PLB1: variants seen among roughly 807,000 people sequenced by gnomAD.
The protein encoded by PLB1 is phospholipase B1, membrane-associated.
In PLB1, 242 loss-of-function variants were observed where a neutral mutation model predicts 227.4. The ratio of observed to expected loss-of-function variants is 1.06; its 90% confidence interval spans 0.96 to 1.18. PLB1 has a LOEUF of 1.18. Ranked by LOEUF, PLB1 falls within the 50% of genes most tolerant of loss-of-function variation. PLB1 has a pLI of 0.00. For synonymous variants in PLB1, 757 were observed against 682.2 expected (o/e 1.11, Z -1.71); for missense variants, 1,858 against 1,816.3 (o/e 1.02, Z -0.42).
chr2:28,606,099 A>G, intron 42 of PLB1, 151 bp downstream of exon 42: 1 of 662,516 alleles, frequency 1.5e-6, no homozygotes, highest in South Asian at 1.9e-5. Context: ...GGAGTCCTTA[A>G]GAGTCTGCTC....
chr2:28,618,109 A>G (rs1686452177), intron 45 of PLB1, among the ~76,000 whole-genome samples: 1 of 151,996 alleles, frequency 6.6e-6, no homozygotes, highest in African/African-American at 2.4e-5. Context: ...TTCCTGGACC[A>G]CCCCAATGTC....
At chr2:28,549,489 C>T (rs1179392743) in intron 15 of PLB1, among the ~76,000 whole-genome samples, 2 of 122,522 alleles carry the variant, frequency 1.6e-5, no homozygotes, top group African/African-American at 6.3e-5. Flanking sequence ...AATCTTGGCT[C>T]ACTGCAACCT....
chr2:28,543,605 T>C (rs1300938348), intron 14 of PLB1, among the ~76,000 whole-genome samples: 1 of 152,212 alleles, frequency 6.6e-6, no homozygotes, highest in Non-Finnish European at 1.5e-5. Flanking sequence ...TCACCATTCC[T>C]GTCCAGCCTG....
intron 1 of PLB1, among the ~76,000 whole-genome samples, chr2:28,511,494 G>A (rs1249430577): frequency 2.6e-5 from 4 of 152,176 alleles, no homozygotes; most frequent in South Asian, 2.1e-4. Flanking sequence ...CATCACCAAC[G>A]TCCCAACTGG....
intron 20 of PLB1, 72 bp from the exon 21 acceptor site, chr2:28,573,125 T>A: frequency 1.7e-6 from 2 of 1,208,686 alleles, no homozygotes; most frequent in Middle Eastern, 2.4e-4. Context: ...TAACACCCAC[T>A]GGTGCTTATC....
In PLB1 at chr2:28,605,893, T is replaced by C. The variant is rs147962775; in HGVS notation, c.3002T>C (p.Ile1001Thr). 40 of 1,613,918 alleles carry C rather than the reference T, an allele frequency of 2.5e-5. No homozygotes were observed. The highest frequency in any genetic ancestry group is 3.3e-4 in the Middle Eastern group (2 of 6,062). The change falls in exon 42 of 58, where the codon ATC becomes ACC. Residue 1001 changes from isoleucine (I) to threonine (T), a missense_variant. Ile to Thr is a moderately conservative substitution (Grantham distance 89, BLOSUM62 -1). Coordinates refer to ENST00000327757, the MANE Select transcript of PLB1 (RefSeq NM_153021.5). Reference protein sequence around the residue: ...PDTSFFAPDCIHPNQKFHSQL... With the variant: ...PDTSFFAPDCTHPNQKFHSQL... ...ACGTCCTTCTTTGCCCCAGACTGCA[T>C]CCACCCAAATCAGAAATTCCACTCC...
intron 6 of PLB1, among the ~76,000 whole-genome samples, chr2:28,527,380 C>T (rs73922135): frequency 0.021 from 3,225 of 152,318 alleles, 106 homozygotes; most frequent in African/African-American, 0.074. Context: ...ACCACAGCTG[C>T]AAGCTCAGCT....
At chr2:28,550,108 G>T in intron 16 of PLB1, 24 bp downstream of exon 16, 1 of 1,566,942 alleles carries the variant, frequency 6.4e-7, no homozygotes, top group South Asian at 1.1e-5. Context: ...TTCTGTAATT[G>T]ACAAACATGC....
chr2:28,543,153 C>CAGG (rs1369792911), intron 13 of PLB1, 59 bp from the exon 14 acceptor site: 3 of 1,527,456 alleles, frequency 2.0e-6, no homozygotes, highest in African/African-American at 1.4e-5. Context: ...AAGTGTGTAG[C>CAGG]AGGTCCGTTG....
intron 53 of PLB1, among the ~76,000 whole-genome samples, chr2:28,629,878 A>C (rs1019563094): frequency 1.3e-5 from 2 of 152,178 alleles, no homozygotes; most frequent in African/African-American, 4.8e-5. Context: ...GGCCTCCCAC[A>C]GTTTGAGTGA....
At chr2:28,570,588 C>G (rs1457482362) in intron 20 of PLB1, among the ~76,000 whole-genome samples, 2 of 152,202 alleles carry the variant, frequency 1.3e-5, no homozygotes, top group South Asian at 2.1e-4. Context: ...GAGTTAGAGA[C>G]TAGCCTGGCC....
Position 28,539,158 on chromosome 2 carries a change from G to A in PLB1, c.678G>A (p.Gln226=), listed in dbSNP as rs754688402. 58 of 1,613,748 alleles carry A rather than the reference G, an allele frequency of 3.6e-5. No homozygotes were observed. The South Asian group carries it at 5.8e-4, about 16-fold the overall frequency. Residue 226 remains glutamine (Q), a synonymous_variant, in exon 11 of 58, where the codon CAG becomes CAA. Transcript: ENST00000327757. ...DLSEVAEVSR[Q]YHGTWLSPAP... ...CTGAGGTTGCAGAGGTCTCTCGTCA[G>A]TATCACGGCACTTGGCTCAGGTAAA...
intron 52 of PLB1, 48 bp from the exon 53 acceptor site, chr2:28,629,046 C>G: frequency 6.5e-7 from 1 of 1,536,268 alleles, no homozygotes; most frequent in Non-Finnish European, 8.9e-7. Context: ...CCAGGTTCCT[C>G]CCAGCAGTAG....
chr2:28,624,982 C>G (rs1687541155), intron 49 of PLB1, 75 bp from the exon 50 acceptor site: 3 of 1,415,448 alleles, frequency 2.1e-6, no homozygotes, highest in Non-Finnish European at 3.0e-6. Context: ...ACCTCTCTTC[C>G]TAGGCCAAAA....
intron 53 of PLB1, among the ~76,000 whole-genome samples, chr2:28,629,421 A>G (rs1361239630): frequency 6.6e-6 from 1 of 152,196 alleles, no homozygotes. Context: ...GACAGACCAA[A>G]TGATCCTTAA....
chr2:28,617,803 A>G lies in PLB1; in HGVS notation c.3256+16A>G, dbSNP rs1281645164. On this transcript the variant is annotated intron_variant, in intron 45 of 57. Transcript: ENST00000327757. ...CCAACCTCTGGTGAGTGAAAACATC[A>G]TCATCTCCTTCAATTAAGGGCCTTG... 1.2e-6 allele frequency: 2 copies of G among 1,609,800 alleles called. No individual in the cohort carries two copies.
rs185748814 is a variant in PLB1, at chr2:28,590,917, C to T, written c.2089-216C>T. Among the ~76,000 whole-genome samples, 765 of 152,272 alleles carry T rather than the reference C, an allele frequency of 5.0e-3. 6 individuals carry two copies. The highest frequency in any genetic ancestry group is 0.017 in the African/African-American group (724 of 41,548). ...GGTGGAAGGAAGACAGGCGCGTTCC[C>T]GTGAAGCATGAATTGATGCTCATTC... On this transcript the variant is annotated intron_variant, in intron 29 of 57. Coordinates refer to ENST00000327757, the MANE Select transcript of PLB1 (RefSeq NM_153021.5).
At chr2:28,537,284 GCCTT>G (rs2148201981) in intron 9 of PLB1, among the ~76,000 whole-genome samples, 2 of 152,332 alleles carry the variant, frequency 1.3e-5, no homozygotes, top group South Asian at 4.1e-4. Flanking sequence ...CAGCTCCTTG[GCCTT>G]CCTTGTCTTC....
chr2:28,569,061 C>T (rs1464312124), intron 20 of PLB1, among the ~76,000 whole-genome samples: 1 of 152,130 alleles, frequency 6.6e-6, no homozygotes, highest in Non-Finnish European at 1.5e-5. Context: ...ATCCCCAAAC[C>T]TCAAGGAATG....
Sources: allele counts gnomAD v4.1 joint callset (sites outside exome capture counted in the v4.1 genomes callset), GRCh38; gene constraint gnomAD v4.1.1; transcripts MANE v1.5; gene names NCBI Gene and HGNC (gene_info 2026-07-23, HGNC 2026-07-21).